Variants in BAZ2B observed in about 807,000 individuals in gnomAD.
BAZ2B encodes bromodomain adjacent to zinc finger domain protein 2B.
Under a neutral mutation model 246.0 loss-of-function variants are expected in BAZ2B, and 91 were observed. The observed-to-expected ratio is 0.37, with a 90% CI of 0.31 to 0.44. BAZ2B has a LOEUF of 0.44. Among genes scored for constraint, BAZ2B ranks in the 20% least tolerant of loss-of-function variants. BAZ2B has a pLI of 1.00. For synonymous variants in BAZ2B, 855 were observed against 860.0 expected, an observed-to-expected ratio of 0.99 and a Z score of 0.10; for missense variants, 2,332 against 2,533.7, an observed-to-expected ratio of 0.92 and a Z score of 1.71.
At position 159,536,531 on chromosome 2, in the gene BAZ2B, G is replaced by A. The variant is rs994952973; in HGVS notation, c.-3+19292C>T. Among the ~76,000 whole-genome samples the A allele has an allele frequency of 4.6e-5, 7 of 152,154 alleles. No individual in the cohort carries two copies. The South Asian group carries it at 6.2e-4, about 13-fold the overall frequency. ...TAGTGAGTGGCAATCAGATCAGAGTGTTCAATCCCTGTGTCACACGGAGAT... is the reference window on the plus strand; with the variant it reads ...TAGTGAGTGGCAATCAGATCAGAGTATTCAATCCCTGTGTCACACGGAGAT... On this transcript the variant is annotated intron_variant, in intron 2 of 36. Transcript: ENST00000392783.
the BAZ2B span, among the ~76,000 whole-genome samples, chr2:159,703,684 G>T: frequency 6.6e-6 from 1 of 152,096 alleles, no homozygotes; most frequent in Admixed American, 6.5e-5. Context: ...AGGAGGTCAA[G>T]ACCAGCCTTG....
chr2:159,445,469 T>C (rs1284984924), intron 6 of BAZ2B, among the ~76,000 whole-genome samples: 3 of 152,140 alleles, frequency 2.0e-5, no homozygotes, highest in African/African-American at 4.8e-5. Context: ...TTTCAGACTT[T>C]GTGGGAGAGG....
At chr2:159,653,765 A>G in the BAZ2B span, among the ~76,000 whole-genome samples, 2 of 152,200 alleles carry the variant, frequency 1.3e-5, no homozygotes, top group Non-Finnish European at 2.9e-5. Flanking sequence ...GGAATTATTG[A>G]CAAACTCAAA....
At chr2:159,325,408 G>A (rs1470831099) in intron 35 of BAZ2B, among the ~76,000 whole-genome samples, 7 of 151,312 alleles carry the variant, frequency 4.6e-5, no homozygotes, top group Admixed American at 4.6e-4. Context: ...TGGGATTTCA[G>A]GTGTGAGCCG....
chr2:159,444,167 G>A (rs910883538), intron 6 of BAZ2B: 2 of 152,124 alleles, frequency 1.3e-5, no homozygotes, highest in Non-Finnish European at 2.9e-5. Flanking sequence ...CTTACACCGA[G>A]ACTGCCATTG....
downstream of BAZ2B, among the ~76,000 whole-genome samples, chr2:159,316,584 G>C (rs1168842000): frequency 6.7e-6 from 1 of 150,006 alleles, no homozygotes; most frequent in Non-Finnish European, 1.5e-5. Context: ...CAGCTACTTG[G>C]GAGGCTGAGG....
intron 31 of BAZ2B, among the ~76,000 whole-genome samples, chr2:159,345,847 C>A (rs2067689202): frequency 6.6e-6 from 1 of 152,172 alleles, no homozygotes; most frequent in African/African-American, 2.4e-5. Context: ...AGGTGCAAAA[C>A]CTCTTCTCAT....
the BAZ2B span, among the ~76,000 whole-genome samples, chr2:159,662,446 C>T: frequency 6.6e-6 from 1 of 152,192 alleles, no homozygotes; most frequent in Non-Finnish European, 1.5e-5. Flanking sequence ...AACCACTTTA[C>T]ATACCTGCCA....
At chr2:159,551,335 G>A (rs1418251578) in intron 2 of BAZ2B, among the ~76,000 whole-genome samples, 4 of 151,966 alleles carry the variant, frequency 2.6e-5, no homozygotes, top group Non-Finnish European at 5.9e-5. Flanking sequence ...TGGGCGTGGT[G>A]GCGGAAACCT....
At chr2:159,682,026 G>T in the BAZ2B span, among the ~76,000 whole-genome samples, 1 of 152,046 alleles carries the variant, frequency 6.6e-6, no homozygotes, top group African/African-American at 2.4e-5. Context: ...GTATAAATGG[G>T]AGAGAACTGT....
intron 27 of BAZ2B, among the ~76,000 whole-genome samples, chr2:159,367,189 C>T (rs962130554): frequency 1.4e-4 from 21 of 152,144 alleles, no homozygotes; most frequent in African/African-American, 1.9e-4. Context: ...GGACTAACCT[C>T]GAAATATATA....
intron 27 of BAZ2B, among the ~76,000 whole-genome samples, chr2:159,368,869 A>AC (rs1432911736): frequency 1.4e-4 from 21 of 148,762 alleles, no homozygotes; most frequent in African/African-American, 5.1e-4. Flanking sequence ...AAAAAAAAAA[A>AC]AAAAAAAAAA....
intron 1 of BAZ2B, among the ~76,000 whole-genome samples, chr2:159,583,274 C>G (rs528911836): frequency 6.6e-6 from 1 of 152,112 alleles, no homozygotes; most frequent in Non-Finnish European, 1.5e-5. Flanking sequence ...GCCAGCACAC[C>G]CAGCTAATTT....
At chr2:159,326,397 T>C (rs1225817414) in intron 34 of BAZ2B, among the ~76,000 whole-genome samples, 1 of 152,138 alleles carries the variant, frequency 6.6e-6, no homozygotes, top group Non-Finnish European at 1.5e-5. Context: ...GTCCAAGTGA[T>C]CAAATCTACT....
At chr2:159,374,506 G>A (rs2061208279) in intron 26 of BAZ2B, among the ~76,000 whole-genome samples, 185 bp downstream of exon 26, 1 of 152,072 alleles carries the variant, frequency 6.6e-6, no homozygotes, top group Non-Finnish European at 1.5e-5. Flanking sequence ...AAGTTCAATT[G>A]TAAGAATGTT....
the BAZ2B span, among the ~76,000 whole-genome samples, chr2:159,709,282 C>G: frequency 6.7e-6 from 1 of 149,076 alleles, no homozygotes; most frequent in African/African-American, 2.5e-5. Flanking sequence ...TGATAGTTAT[C>G]AGAGGCTGGG....
At chr2:159,594,025 C>T (rs1270002188) in intron 1 of BAZ2B, among the ~76,000 whole-genome samples, 1 of 152,162 alleles carries the variant, frequency 6.6e-6, no homozygotes, top group Non-Finnish European at 1.5e-5. Context: ...CACCACTATC[C>T]ATTTCCAGGC....
In BAZ2B at chr2:159,337,571, T is replaced by C. The variant is rs1327907182; in HGVS notation, c.5656A>G (p.Arg1886Gly). Residue 1886 changes from arginine to glycine, a missense_variant, in exon 32 of 37, where the codon AGA becomes GGA. Physicochemically the swap from Arg to Gly is moderately radical, Grantham distance 125. Coordinates refer to ENST00000392783, the MANE Select transcript of BAZ2B (RefSeq NM_013450.4). ...RLADLERNIE[R>G]RIEEDIAPGL... is the part of the protein sequence containing the mutation. ...CTTAAGGGGCTCTTCAGATACCTTC[T>C]TTCAATGTTCCGCTCCAAATCAGCC... 2.5e-6 allele frequency: 4 copies of C among 1,614,082 alleles called. No individual in the cohort carries two copies. Among genetic ancestry groups the C allele is most frequent in the Non-Finnish European group, 3.4e-6 (4 of 1,180,016 alleles).
intron 1 of BAZ2B, among the ~76,000 whole-genome samples, chr2:159,577,742 A>C (rs1434099102): frequency 6.6e-6 from 1 of 152,202 alleles, no homozygotes; most frequent in Non-Finnish European, 1.5e-5. Flanking sequence ...AGATTGACCA[A>C]AGTCCTTTTA....
Sources: allele counts gnomAD v4.1 joint callset (sites outside exome capture counted in the v4.1 genomes callset), GRCh38; gene constraint gnomAD v4.1.1; transcripts MANE v1.5; gene names NCBI Gene and HGNC (gene_info 2026-07-23, HGNC 2026-07-21).